Variants in R3HCC1L observed in about 807,000 individuals in gnomAD.
The protein encoded by R3HCC1L is coiled-coil domain-containing protein R3HCC1L.
A neutral mutation model predicts 59.9 loss-of-function variants in R3HCC1L; 51 were observed. The ratio of observed to expected loss-of-function variants is 0.85; its 90% CI spans 0.68 to 1.07. The LOEUF is 1.07. Among genes scored for constraint, R3HCC1L ranks in the 50% least tolerant of loss-of-function variants. The probability of loss-of-function intolerance (pLI) is 0.00; values close to 1 mark genes in which losing one functional copy is unlikely to be tolerated. For missense variants in R3HCC1L, 965 were observed against 933.0 expected (o/e 1.03, Z -0.45); for synonymous variants, 322 against 315.2 (o/e 1.02, Z -0.23).
At chr10:98,198,190 G>A (rs1262641212) in intron 4 of R3HCC1L, among the ~76,000 whole-genome samples, 2 of 152,050 alleles carry the variant, frequency 1.3e-5, no homozygotes, top group Admixed American at 1.3e-4. Flanking sequence ...GAGGAGAGCA[G>A]TGAATTTTTT....
At chr10:98,192,129 C>CT (rs917048200) in intron 4 of R3HCC1L, among the ~76,000 whole-genome samples, 9 of 151,092 alleles carry the variant, frequency 6.0e-5, no homozygotes, top group South Asian at 2.1e-4. Flanking sequence ...CCAGCCTGGA[C>CT]TTTTTTTTTA....
intron 5 of R3HCC1L, among the ~76,000 whole-genome samples, chr10:98,214,380 A>AT (rs1167534669): frequency 1.3e-5 from 2 of 152,126 alleles, no homozygotes; most frequent in Non-Finnish European, 2.9e-5. Context: ...CAGGGTATAT[A>AT]TATAGTAAAT....
intron 5 of R3HCC1L, chr10:98,231,129 A>T (rs945273146): frequency 5.8e-6 from 2 of 342,336 alleles, no homozygotes; most frequent in Non-Finnish European, 1.1e-5. Context: ...CTGGTCAGTA[A>T]GCTCAATTAA....
intron 7 of R3HCC1L, among the ~76,000 whole-genome samples, 169 bp from the exon 8 acceptor site, chr10:98,235,256 G>A (rs1287106199): frequency 6.6e-6 from 1 of 152,116 alleles, no homozygotes; most frequent in Non-Finnish European, 1.5e-5. Context: ...GCCATAGTTT[G>A]CTGATACCTG....
intron 2 of R3HCC1L, among the ~76,000 whole-genome samples, chr10:98,162,655 T>C (rs869977): frequency 0.13 from 19,282 of 151,864 alleles, 1,274 homozygotes; most frequent in Middle Eastern, 0.17. Context: ...GTTGAACATC[T>C]GTTCGTGTGT....
intron 4 of R3HCC1L, among the ~76,000 whole-genome samples, chr10:98,178,909 A>G (rs986591736): frequency 6.6e-6 from 1 of 152,124 alleles, no homozygotes; most frequent in African/African-American, 2.4e-5. Flanking sequence ...TTGCACATTG[A>G]TTTTGTATCC....
intron 9 of R3HCC1L, among the ~76,000 whole-genome samples, chr10:98,243,166 G>A (rs1407114239): frequency 6.6e-6 from 1 of 152,198 alleles, no homozygotes; most frequent in Non-Finnish European, 1.5e-5. Context: ...AGATATATCA[G>A]AATAGCAAGT....
At chr10:98,145,948 C>CA (rs59848528) in intron 1 of R3HCC1L, among the ~76,000 whole-genome samples, 20,107 of 141,696 alleles carry the variant, frequency 0.14, 1,401 homozygotes, top group Middle Eastern at 0.18. Context: ...GACTCCATCT[C>CA]AAAAAAAAAA....
intron 1 of R3HCC1L, among the ~76,000 whole-genome samples, chr10:98,138,511 T>C (rs7905384): frequency 0.68 from 102,737 of 151,474 alleles, 34,988 homozygotes; most frequent in African/African-American, 0.76. Context: ...GGCAACAAAG[T>C]GAGACTTCAT....
intron 2 of R3HCC1L, among the ~76,000 whole-genome samples, chr10:98,159,224 G>A (rs562761617): frequency 9.5e-4 from 145 of 152,228 alleles, no homozygotes; most frequent in Middle Eastern, 3.4e-3. Context: ...CAGGAATACC[G>A]CAAAGTATTG....
At chr10:98,228,800 A>G (rs1855985674) in intron 5 of R3HCC1L, among the ~76,000 whole-genome samples, 2 of 152,334 alleles carry the variant, frequency 1.3e-5, no homozygotes, top group Admixed American at 1.3e-4. Context: ...CTTTCTACAT[A>G]TGGCCAGCCA....
chr10:98,199,582 C>T (rs1265751662), intron 4 of R3HCC1L, among the ~76,000 whole-genome samples: 1 of 151,752 alleles, frequency 6.6e-6, no homozygotes, highest in Non-Finnish European at 1.5e-5. Flanking sequence ...CAGTTGTAAT[C>T]AGTGTTAGCA....
At chr10:98,217,134 A>G (rs909402036) in intron 5 of R3HCC1L, among the ~76,000 whole-genome samples, 1 of 152,188 alleles carries the variant, frequency 6.6e-6, no homozygotes, top group African/African-American at 2.4e-5. Flanking sequence ...GGGCTGTCAT[A>G]CAGAGTTTTA....
At chr10:98,160,847 G>T (rs1381297398) in intron 2 of R3HCC1L, among the ~76,000 whole-genome samples, 1 of 152,046 alleles carries the variant, frequency 6.6e-6, no homozygotes, top group East Asian at 1.9e-4. Flanking sequence ...TCCTTCATGT[G>T]TTTTTCCCCC....
At chr10:98,238,359 C>A (rs551896358) in intron 9 of R3HCC1L, among the ~76,000 whole-genome samples, 1 of 152,296 alleles carries the variant, frequency 6.6e-6, no homozygotes, top group African/African-American at 2.4e-5. Context: ...GCCTTACAGT[C>A]TAGTGAAGAT....
chr10:98,226,771 G>A (rs1367975130), intron 5 of R3HCC1L, among the ~76,000 whole-genome samples: 1 of 152,218 alleles, frequency 6.6e-6, no homozygotes, highest in Non-Finnish European at 1.5e-5. Flanking sequence ...ATTCCAAACT[G>A]TTAACACTAA....
intron 4 of R3HCC1L, among the ~76,000 whole-genome samples, chr10:98,191,663 C>A (rs1850867377): frequency 6.6e-6 from 1 of 152,158 alleles, no homozygotes; most frequent in South Asian, 2.1e-4. Context: ...TTAATCAGAT[C>A]CCATTTGTCA....
intron 2 of R3HCC1L, among the ~76,000 whole-genome samples, chr10:98,158,673 C>T (rs550757396): frequency 6.6e-6 from 1 of 152,180 alleles, no homozygotes; most frequent in South Asian, 2.1e-4. Context: ...ATTAAGTAAC[C>T]TACAGACATT....
At chr10:98,135,456 G>C (rs1385312026) in intron 1 of R3HCC1L, among the ~76,000 whole-genome samples, 2 of 152,238 alleles carry the variant, frequency 1.3e-5, no homozygotes, top group Non-Finnish European at 2.9e-5. Flanking sequence ...TTCAGCAGAA[G>C]TGATATTCCT....
Sources: gnomAD v4.1 joint callset for allele counts (sites outside exome capture counted in the v4.1 genomes callset) on GRCh38, gnomAD v4.1.1 for gene constraint, MANE v1.5 for transcripts, NCBI Gene and HGNC (gene_info 2026-07-23, HGNC 2026-07-21) for gene names.